Variants in NOXA1 observed in about 807,000 individuals in gnomAD.
NOXA1 encodes NADPH oxidase activator 1.
In NOXA1, 56 loss-of-function variants were observed where a neutral mutation model predicts 64.8. That is an observed-to-expected ratio of 0.86 (90% confidence interval 0.70 to 1.08). The LOEUF is 1.08. Ranked by LOEUF, NOXA1 falls within the 50% of genes least tolerant of loss-of-function variation. NOXA1 has a pLI of 0.00. For missense variants in NOXA1, 668 were observed against 658.5 expected, an observed-to-expected ratio of 1.01 and a Z score of -0.16; for synonymous variants, 295 against 294.8, an observed-to-expected ratio of 1.00 and a Z score of -0.01.
At chr9:137,428,773 C>A in intron 3 of NOXA1, 109 bp from the exon 4 acceptor site, 2 of 873,412 alleles carry the variant, frequency 2.3e-6, no homozygotes, top group Admixed American at 5.5e-5. Flanking sequence ...GGTGGGGGGA[C>A]TGGGGGAGGG....
At chr9:137,429,183 A>G (rs1289114464) in intron 4 of NOXA1, 93 bp from the exon 5 acceptor site, 25 of 1,328,856 alleles carry the variant, frequency 1.9e-5, no homozygotes, top group Non-Finnish European at 2.5e-5. Flanking sequence ...GGGGGGCCCA[A>G]GCGGCCCCTT....
Position 137,432,733 on chromosome 9 carries a change from G to C in NOXA1, c.805-296G>C, listed in dbSNP as rs564839595. On this transcript the variant is annotated intron_variant, in intron 8 of 13. Coordinates refer to ENST00000683555, the MANE Select transcript of NOXA1 (RefSeq NM_001256067.2). ...CACAGAGGCCGGGGCCCAGGGACTGGGTCCTCAGCTTCCTGGGGTCACTGG... is the reference window on the plus strand; with the variant it reads ...CACAGAGGCCGGGGCCCAGGGACTGCGTCCTCAGCTTCCTGGGGTCACTGG... Among the ~76,000 whole-genome samples, 406 of 152,352 alleles carry C rather than the reference G, an allele frequency of 2.7e-3. 2 individuals are homozygous for C. Among genetic ancestry groups the C allele is most frequent in the Non-Finnish European group, 4.5e-3 (308 of 68,030 alleles).
intron 6 of NOXA1, 38 bp downstream of exon 6, chr9:137,430,881 C>T: frequency 6.4e-7 from 1 of 1,554,430 alleles, no homozygotes; most frequent in Non-Finnish European, 8.7e-7. Flanking sequence ...CCTGGCCTCA[C>T]CCAGCTTTCT....
Position 137,428,997 on chromosome 9 carries a change from C to T in NOXA1, c.485C>T (p.Ser162Leu), listed in dbSNP as rs1564237794. The change falls in exon 4 of 14, where the codon TCA (serine) becomes TTA (leucine). Residue 162 changes from serine (S) to leucine (L), a missense_variant. Ser to Leu is a moderately radical substitution (Grantham distance 145, BLOSUM62 -2). Coordinates refer to ENST00000683555, the MANE Select transcript of NOXA1 (RefSeq NM_001256067.2). The part of the protein sequence containing the change: ...WPEGSLNGLD[S>L]ALDQVQRRGS... ...GAGGGGTCCCTGAATGGCCTGGACT[C>T]AGCCCTGGACCAAGTGCAGGTGAGG... The T allele has an allele frequency of 6.4e-7, 1 of 1,574,568 alleles. No homozygotes were observed. The highest frequency in any genetic ancestry group is 2.3e-5 in the East Asian group (1 of 43,962).
In NOXA1 at chr9:137,431,333, C is replaced by T; in HGVS notation, c.796C>T (p.Gln266Ter). 2 of 1,608,728 alleles carry T rather than the reference C, an allele frequency of 1.2e-6. No homozygotes were observed. Among genetic ancestry groups the T allele is most frequent in the South Asian group, 1.1e-5 (1 of 91,070 alleles). The change falls in exon 8 of 14, where the codon CAG becomes TAG. Residue 266 changes from glutamine (Q) to a stop codon, truncating the protein, a stop_gained. Coordinates refer to ENST00000683555, the MANE Select transcript of NOXA1 (RefSeq NM_001256067.2). LOFTEE classifies it high-confidence loss of function. The surrounding 1 kb of genome is among the most constrained non-coding windows in gnomAD (Gnocchi z 5.6). ...TGACCGCTGCACGTCGACTGCCTAC[C>T]AGGAGCAGGTGCGTGGGCCTGGGCC... Reference protein sequence around the residue: ...GADRCTSTAYQEQRPQVEQVG... With the variant: ...GADRCTSTAY
Position 137,423,641 on chromosome 9 carries a change from G to C in NOXA1, c.112G>C (p.Ala38Pro), listed in dbSNP as rs761469977. ...HLFSGVPAPP[A>P]RLCFNAGCVH... is the part of the protein sequence containing the mutation. ...CTTCTCGGGCGTCCCGGCGCCGCCC[G>C]CCAGGCTGTGCTTCAACGCGGGCTG... is the stretch of plus-strand genomic sequence containing the variant. The change falls in exon 1 of 14, where the codon GCC (alanine) becomes CCC (proline). Residue 38 changes from alanine to proline, a missense_variant. Transcript: ENST00000683555. The C allele has an allele frequency of 2.5e-5, 36 of 1,429,306 alleles. No homozygotes were observed. Among genetic ancestry groups the C allele is most frequent in the Non-Finnish European group, 3.2e-5 (35 of 1,088,648 alleles). 88.5% of individuals were successfully genotyped at this position (1,429,306 alleles called of 1,614,324 possible).
Position 137,434,037 on chromosome 9 carries a change from C to T in NOXA1, c.1252C>T (p.Leu418=), listed in dbSNP as rs1444990186. 8 of 1,575,288 alleles carry T rather than the reference C, an allele frequency of 5.1e-6. No homozygotes were observed. In the South Asian group the frequency reaches 9.1e-5, roughly 18 times the overall value. Residue 418 remains leucine (L), a synonymous_variant, in exon 13 of 14, where the codon CTG becomes TTG. Coordinates refer to ENST00000683555, the MANE Select transcript of NOXA1 (RefSeq NM_001256067.2). ...CTACTCCGCCCAGGGGCCAGAGGACCTGGGCTTCCGACAGGGGGACACGGT... is the reference window on the plus strand; with the variant it reads ...CTACTCCGCCCAGGGGCCAGAGGACTTGGGCTTCCGACAGGGGGACACGGT... ...HSYSAQGPED[L]GFRQGDTVDV...
intron 8 of NOXA1, among the ~76,000 whole-genome samples, chr9:137,432,306 G>A (rs982117783): frequency 1.4e-5 from 2 of 140,662 alleles, no homozygotes; most frequent in Admixed American, 7.3e-5. Context: ...AAAGCCAGGC[G>A]AAGTGGCTCA....
In NOXA1 at chr9:137,424,300, C is replaced by T. The variant is rs570823416; in HGVS notation, c.177+594C>T. Among the ~76,000 whole-genome samples the T allele has an allele frequency of 2.8e-3, 423 of 152,368 alleles. 2 individuals carry two copies. Among genetic ancestry groups the T allele is most frequent in the Non-Finnish European group, 4.8e-3 (326 of 68,040 alleles). On this transcript the variant is annotated intron_variant, in intron 1 of 13. Transcript: ENST00000683555. The stretch of plus-strand genomic sequence containing the variant: ...CAGTGATTTAAAGGAGAGGGAACTG[C>T]GCGCTGTGGGAGGGTCTCCACGCCC...
rs61748945 is a variant in NOXA1, at chr9:137,428,068, T to G, written c.296T>G (p.Leu99Arg). 2.4e-3 allele frequency: 3,771 copies of G among 1,584,822 alleles called. 85 individuals carry two copies. In the African/African-American group the frequency reaches 0.043, roughly 18 times the overall value. The change falls in exon 3 of 14, where the codon CTG (leucine) becomes CGG (arginine). Residue 99 changes from leucine (L) to arginine (R), a missense_variant. Coordinates refer to ENST00000683555, the MANE Select transcript of NOXA1 (RefSeq NM_001256067.2). Reference protein sequence around the residue: ...QEALSDFWLALEQLRGHAAID... With the variant: ...QEALSDFWLAREQLRGHAAID... Reference sequence around the variant, plus strand: ...GCTCTGTCTGACTTCTGGCTGGCCCTGGAGCAGCTGAGGGGCCACGCTGCC... The same window carrying G: ...GCTCTGTCTGACTTCTGGCTGGCCCGGGAGCAGCTGAGGGGCCACGCTGCC...
Position 137,434,017 on chromosome 9 carries a change from C to T in NOXA1, c.1232C>T (p.Ser411Phe). 2 of 1,570,478 alleles carry T rather than the reference C, an allele frequency of 1.3e-6. No homozygotes were observed. Among genetic ancestry groups the T allele is most frequent in the Admixed American group, 1.9e-5 (1 of 52,416 alleles). ...CAGGTGGTGGCCCAGCACAGCTACT[C>T]CGCCCAGGGGCCAGAGGACCTGGGC... ...LYQVVAQHSY[S>F]AQGPEDLGFR... Residue 411 changes from serine to phenylalanine, a missense_variant, in exon 13 of 14, where the codon TCC (serine) becomes TTC (phenylalanine). Transcript: ENST00000683555.
intron 5 of NOXA1, among the ~76,000 whole-genome samples, chr9:137,430,023 G>C (rs1251026924): frequency 1.7e-5 from 2 of 117,876 alleles, no homozygotes; most frequent in African/African-American, 3.4e-5. Flanking sequence ...CCCGGGGGGG[G>C]TGCCTGTGTC....
intron 10 of NOXA1, 59 bp downstream of exon 10, chr9:137,433,322 C>A: frequency 6.6e-7 from 1 of 1,503,800 alleles, no homozygotes; most frequent in East Asian, 2.4e-5. Context: ...GGCCAAGCCC[C>A]ATCCCTCAGA....
chr9:137,433,971 G>A lies in NOXA1; in HGVS notation c.1186G>A (p.Gly396Arg). 8 of 1,546,378 alleles carry A rather than the reference G, an allele frequency of 5.2e-6. No individual in the cohort carries two copies. The highest frequency in any genetic ancestry group is 2.0e-5 in the Admixed American group (1 of 50,760). The change falls in exon 13 of 14, where the codon GGG becomes AGG. Residue 396 changes from glycine to arginine, a missense_variant. By Grantham distance (125) the Gly-to-Arg change is moderately radical. Coordinates refer to ENST00000683555, the MANE Select transcript of NOXA1 (RefSeq NM_001256067.2). ...RGLQLQCRGA[G>R]GRPVLYQVVA... is the part of the protein sequence containing the mutation. ...GCCCACTCTCCTGCCTCAGGGAGCC[G>A]GGGGTCGGCCGGTCCTCTACCAGGT...
rs1268600294 is a variant in NOXA1, at chr9:137,433,799, G to A, written c.1114G>A (p.Glu372Lys). ...GCACTGGGTCCCCATCCCCGAGGAG[G>A]AGTCGCTGCAGAGGGCCTGGCAGGA... ...DGHWVPIPEE[E>K]SLQRAWQDAA... Residue 372 changes from glutamate (E) to lysine (K), a missense_variant, in exon 12 of 14, where the codon GAG becomes AAG. Transcript: ENST00000683555. The A allele has an allele frequency of 1.4e-6, 2 of 1,453,972 alleles. No individual in the cohort carries two copies. Among genetic ancestry groups the A allele is most frequent in the Admixed American group, 2.8e-5 (1 of 35,760 alleles). 90.1% of individuals were successfully genotyped at this position (1,453,972 alleles called of 1,614,324 possible).
At position 137,434,001 on chromosome 9, in the gene NOXA1, G is replaced by T; in HGVS notation, c.1216G>T (p.Ala406Ser). ...GGRPVLYQVV[A>S]QHSYSAQGPE... ...TCGGCCGGTCCTCTACCAGGTGGTG[G>T]CCCAGCACAGCTACTCCGCCCAGGG... is the stretch of plus-strand genomic sequence containing the variant. The change falls in exon 13 of 14, where the codon GCC (alanine) becomes TCC (serine). Residue 406 changes from alanine (A) to serine (S), a missense_variant. Transcript: ENST00000683555. The T allele has an allele frequency of 6.4e-7, 1 of 1,564,538 alleles. No individual in the cohort carries two copies.
intron 8 of NOXA1, among the ~76,000 whole-genome samples, chr9:137,432,190 G>A (rs186195752): frequency 1.3e-5 from 2 of 150,830 alleles, no homozygotes; most frequent in Admixed American, 1.3e-4. Flanking sequence ...TGAGGTGGAA[G>A]GATTGCTTGA....
chr9:137,432,386 C>A (rs1352513995), intron 8 of NOXA1, among the ~76,000 whole-genome samples: 1 of 151,952 alleles, frequency 6.6e-6, no homozygotes, highest in East Asian at 1.9e-4. Flanking sequence ...GAGACCATCC[C>A]GGCTAACATG....
Position 137,423,612 on chromosome 9 carries a change from A to G in NOXA1, c.83A>G (p.His28Arg), listed in dbSNP as rs1285996921. 3 of 1,468,200 alleles carry G rather than the reference A, an allele frequency of 2.0e-6. No homozygotes were observed. The highest frequency in any genetic ancestry group is 1.9e-4 in the Middle Eastern group (1 of 5,148). The allele number at this position is 1,468,200 out of a possible 1,614,324, so 90.9% of individuals were successfully genotyped here. The change falls in exon 1 of 14, where the codon CAC (histidine) becomes CGC (arginine). Residue 28 changes from histidine (H) to arginine (R), a missense_variant. Physicochemically the swap from His to Arg is conservative, Grantham distance 29. Coordinates refer to ENST00000683555, the MANE Select transcript of NOXA1 (RefSeq NM_001256067.2). ...VDRGDWARAL[H>R]LFSGVPAPPA... Reference sequence around the variant, plus strand: ...CGTGGGGACTGGGCCCGCGCCTTGCACCTCTTCTCGGGCGTCCCGGCGCCG... The same window carrying G: ...CGTGGGGACTGGGCCCGCGCCTTGCGCCTCTTCTCGGGCGTCCCGGCGCCG...
Sources: gnomAD v4.1 joint callset for allele counts (sites outside exome capture counted in the v4.1 genomes callset) on GRCh38, gnomAD v4.1.1 for gene constraint, Gnocchi (gnomAD v3.1) non-coding constraint, MANE v1.5 for transcripts, NCBI Gene and HGNC (gene_info 2026-07-23, HGNC 2026-07-21) for gene names.